Variants in DOCK5 observed in about 807,000 individuals in gnomAD.
DOCK5 encodes dedicator of cytokinesis protein 5.
In DOCK5, 142 loss-of-function variants were observed where a neutral mutation model predicts 251.8. The ratio of observed to expected loss-of-function variants is 0.56; its 90% CI spans 0.49 to 0.65. The LOEUF (loss-of-function observed/expected upper bound fraction) is 0.65. Among genes scored for constraint, DOCK5 ranks in the 30% least tolerant of loss-of-function variants. The pLI is 0.00. For missense variants in DOCK5, 2,111 were observed against 2,312.3 expected, an observed-to-expected ratio of 0.91 and a Z score of 1.79; for synonymous variants, 842 against 835.5, an observed-to-expected ratio of 1.01 and a Z score of -0.13.
Position 25,382,718 on chromosome 8 carries a change from G to T in DOCK5, c.4071G>T (p.Arg1357Ser). The T allele has an allele frequency of 6.2e-7, 1 of 1,613,600 alleles. No individual in the cohort carries two copies. The highest frequency in any genetic ancestry group is 8.5e-7 in the Non-Finnish European group (1 of 1,179,778). ...ATGAGAACATCATTAAGGCAATGAG[G>T]CCTCAGCCTGAATACTTTGCTGTTG... is the stretch of plus-strand genomic sequence containing the variant. Reference protein sequence around the residue: ...SFYENIIKAMRPQPEYFAVGY... With the variant: ...SFYENIIKAMSPQPEYFAVGY... Residue 1357 changes from arginine (R) to serine (S), a missense_variant, in exon 40 of 52, where the codon AGG becomes AGT. Arg to Ser is a moderately radical substitution (Grantham distance 110). Coordinates refer to ENST00000276440, the MANE Select transcript of DOCK5 (RefSeq NM_024940.8).
intron 48 of DOCK5, among the ~76,000 whole-genome samples, chr8:25,407,039 T>C (rs1801535136): frequency 6.6e-6 from 1 of 152,110 alleles, no homozygotes; most frequent in Non-Finnish European, 1.5e-5. Flanking sequence ...TTAAGCTGTA[T>C]CCTTCTTTCT....
intron 44 of DOCK5, among the ~76,000 whole-genome samples, chr8:25,393,964 T>C (rs947097308): frequency 6.6e-6 from 1 of 152,226 alleles, no homozygotes; most frequent in African/African-American, 2.4e-5. Flanking sequence ...CAGTGGCTCA[T>C]GCCTGTAATC....
intron 5 of DOCK5, among the ~76,000 whole-genome samples, chr8:25,282,577 G>T (rs1373603836): frequency 6.6e-6 from 1 of 152,082 alleles, no homozygotes; most frequent in South Asian, 2.1e-4. Context: ...AAAGACACCT[G>T]TGGCCAGCTA....
intron 20 of DOCK5, 98 bp from the exon 21 acceptor site, chr8:25,333,998 C>A: frequency 1.2e-6 from 1 of 845,784 alleles, no homozygotes; most frequent in African/African-American, 1.7e-5. Context: ...AGAAAAGATC[C>A]AGAGAGGAAA....
At chr8:25,312,160 C>T (rs1334538121) in intron 13 of DOCK5, among the ~76,000 whole-genome samples, 1 of 151,702 alleles carries the variant, frequency 6.6e-6, no homozygotes, top group Admixed American at 6.6e-5. Flanking sequence ...GCTATTTTAC[C>T]CTGATATACA....
chr8:25,379,085 G>A (rs1382271951), intron 38 of DOCK5, among the ~76,000 whole-genome samples: 4 of 152,124 alleles, frequency 2.6e-5, no homozygotes, highest in Non-Finnish European at 5.9e-5. Context: ...AGGACAAAGG[G>A]CAAAAGGCAG....
At position 25,389,138 on chromosome 8, in the gene DOCK5, C is replaced by T; in HGVS notation, c.4179C>T (p.Asp1393=). ...GAAAGGAGTATGAGAGGCGAGAGGA[C>T]TTCAGCCTGAGGTTGTTAACCCAGT... ...YRGKEYERRE[D]FSLRLLTQFP... Residue 1393 remains aspartate, a synonymous_variant, in exon 41 of 52, where the codon GAC becomes GAT. Coordinates refer to ENST00000276440, the MANE Select transcript of DOCK5 (RefSeq NM_024940.8). 1 of 1,613,988 alleles carries T rather than the reference C, an allele frequency of 6.2e-7. No individual in the cohort carries two copies. The highest frequency in any genetic ancestry group is 8.5e-7 in the Non-Finnish European group (1 of 1,179,888).
intron 48 of DOCK5, among the ~76,000 whole-genome samples, chr8:25,404,934 C>T (rs1450525817): frequency 3.3e-5 from 5 of 152,050 alleles, no homozygotes; most frequent in Admixed American, 3.3e-4. Flanking sequence ...AAAATATTTT[C>T]TTGTATACTT....
At chr8:25,336,449 G>A (rs1805808172) in intron 22 of DOCK5, 76 bp downstream of exon 22, 3 of 1,547,840 alleles carry the variant, frequency 1.9e-6, no homozygotes, top group Non-Finnish European at 2.7e-6. Flanking sequence ...TCTGCACAGT[G>A]GTGTTCAGCT....
intron 3 of DOCK5, among the ~76,000 whole-genome samples, chr8:25,272,456 A>G (rs1803936694): frequency 6.6e-6 from 1 of 152,212 alleles, no homozygotes. Context: ...TCTATCTTGA[A>G]TGTTTTCCAC....
At position 25,256,874 on chromosome 8, in the gene DOCK5, A is replaced by G. The variant is rs145849043; in HGVS notation, c.128-11971A>G. The stretch of plus-strand genomic sequence containing the variant: ...AGTCTTAGGGTTTTTCTATCACTCA[A>G]ATTGTTTCTTCTTGACTTTTTTTTT... On this transcript the variant is annotated intron_variant, in intron 2 of 51. Transcript: ENST00000276440. 3.4e-3 allele frequency among the ~76,000 whole-genome samples: 514 copies of G among 150,906 alleles called. 13 individuals are homozygous for G. Among genetic ancestry groups the G allele is most frequent in the Admixed American group, 0.03 (451 of 15,136 alleles).
At chr8:25,225,705 CAA>C (rs1179458798) in intron 1 of DOCK5, among the ~76,000 whole-genome samples, 29 of 70,998 alleles carry the variant, frequency 4.1e-4, no homozygotes, top group Non-Finnish European at 5.4e-4. Context: ...GACTCAGTCT[CAA>C]AAAAAAAAAA....
At chr8:25,264,704 G>A (rs943393980) in intron 2 of DOCK5, among the ~76,000 whole-genome samples, 2 of 151,802 alleles carry the variant, frequency 1.3e-5, no homozygotes, top group Non-Finnish European at 2.9e-5. Flanking sequence ...GCACACCTCT[G>A]TAATCCCAGC....
rs1469258184 is a variant in DOCK5 at position 25,378,909 on chromosome 8, C to CG, written c.3937-1391dup. Among the ~76,000 whole-genome samples the CG allele has an allele frequency of 3.3e-5, 5 of 152,110 alleles. No homozygotes were observed. The East Asian group carries it at 7.7e-4, about 23-fold the overall frequency. On this transcript the variant is annotated intron_variant, in intron 38 of 51. Transcript: ENST00000276440. The stretch of plus-strand genomic sequence containing the variant: ...GAGAGGAATTTTACAGCTGGGCTGC[C>CG]GGGGGCGACATCACATATCGGTAGG...
chr8:25,269,901 C>T lies in DOCK5; in HGVS notation c.168+1016C>T, dbSNP rs149450716. 4.6e-5 allele frequency among the ~76,000 whole-genome samples: 7 copies of T among 152,254 alleles called. No homozygotes were observed. The East Asian group carries it at 1.2e-3, about 25-fold the overall frequency. Reference sequence around the variant, plus strand: ...CACTTCACGGACAGCATGAGAAAGACGTAATCCTGCACAGATAGGCTGATG... The same window carrying T: ...CACTTCACGGACAGCATGAGAAAGATGTAATCCTGCACAGATAGGCTGATG... On this transcript the variant is annotated intron_variant, in intron 3 of 51. Coordinates refer to ENST00000276440, the MANE Select transcript of DOCK5 (RefSeq NM_024940.8).
chr8:25,281,606 C>G (rs564403737), intron 5 of DOCK5, among the ~76,000 whole-genome samples: 12 of 148,000 alleles, frequency 8.1e-5, no homozygotes, highest in African/African-American at 2.7e-4. Flanking sequence ...AAAGGCCAGG[C>G]GCAGTGGTTC....
At chr8:25,250,855 T>C (rs1281207777) in intron 2 of DOCK5, among the ~76,000 whole-genome samples, 1 of 152,210 alleles carries the variant, frequency 6.6e-6, no homozygotes, top group Non-Finnish European at 1.5e-5. Context: ...TGTAGGTTGG[T>C]AGTTTTGTCC....
chr8:25,207,781 C>T (rs560575810), intron 1 of DOCK5, among the ~76,000 whole-genome samples: 72 of 152,320 alleles, frequency 4.7e-4, no homozygotes, highest in Non-Finnish European at 9.3e-4. Context: ...GCTGACACAA[C>T]ATGAATACTG....
At chr8:25,354,796 G>GA (rs1800539255) in intron 27 of DOCK5, among the ~76,000 whole-genome samples, 2 of 151,956 alleles carry the variant, frequency 1.3e-5, no homozygotes, top group Admixed American at 1.3e-4. Context: ...TCAATAAAAG[G>GA]AAAAAAGCCT....
Sources: gnomAD v4.1 joint callset for allele counts (sites outside exome capture counted in the v4.1 genomes callset) on GRCh38, gnomAD v4.1.1 for gene constraint, MANE v1.5 for transcripts, NCBI Gene and HGNC (gene_info 2026-07-23, HGNC 2026-07-21) for gene names.